SIRT4: variants seen among roughly 807,000 people sequenced by gnomAD.
SIRT4 encodes sirtuin 4.
Under a neutral mutation model 26.1 loss-of-function variants are expected in SIRT4, and 23 were observed. The observed-to-expected ratio is 0.88, with a 90% CI of 0.63 to 1.25. The LOEUF is 1.25. Among genes scored for constraint, SIRT4 ranks in the 50% most tolerant of loss-of-function variants. The pLI is 0.00. For synonymous variants in SIRT4, 155 were observed against 158.4 expected (o/e 0.98, Z 0.16); for missense variants, 361 against 405.4 (o/e 0.89, Z 0.94).
At chr12:120,293,189 G>C in the SIRT4 span, 2 of 152,070 alleles carry the variant, frequency 1.3e-5, no homozygotes, top group African/African-American at 4.8e-5. Context: ...AGCAATAATC[G>C]CGCCTCGGAT....
the SIRT4 span, among the ~76,000 whole-genome samples, chr12:120,296,170 A>G: frequency 6.6e-6 from 1 of 151,684 alleles, no homozygotes; most frequent in Non-Finnish European, 1.5e-5. Flanking sequence ...CGAAAAGTTC[A>G]AAGAATTCCT....
At chr12:120,311,201 C>G (rs1185276387) in intron 2 of SIRT4, among the ~76,000 whole-genome samples, 1 of 146,336 alleles carries the variant, frequency 6.8e-6, no homozygotes, top group Non-Finnish European at 1.5e-5. Context: ...ACTAAAAATA[C>G]AAAATTAGCC....
rs144559407 is a variant in SIRT4, at chr12:120,306,459, G to C, written c.497+2401G>C. Among the ~76,000 whole-genome samples, 1,195 of 147,506 alleles carry C rather than the reference G, an allele frequency of 8.1e-3. 14 individuals carry two copies. Among genetic ancestry groups the C allele is most frequent in the African/African-American group, 0.028 (1,135 of 39,882 alleles). ...CATTGTACTCCAGCCTGCAGCCTGG[G>C]CAACAAGAACAAAACTCCGTCAAAA... On this transcript the variant is annotated intron_variant, in intron 2 of 3. Coordinates refer to ENST00000202967, the MANE Select transcript of SIRT4 (RefSeq NM_012240.3).
intron 2 of SIRT4, among the ~76,000 whole-genome samples, chr12:120,310,269 G>A (rs893123777): frequency 6.6e-6 from 1 of 152,064 alleles, no homozygotes; most frequent in African/African-American, 2.4e-5. Flanking sequence ...GGGAGGCTGA[G>A]GCAGGAGAAT....
chr12:120,295,425 T>A, the SIRT4 span, among the ~76,000 whole-genome samples: 1 of 142,314 alleles, frequency 7.0e-6, no homozygotes, highest in African/African-American at 2.6e-5. Context: ...GATAATTTTT[T>A]TTTTTTTTTT....
In SIRT4 at chr12:120,303,704, A is replaced by G; in HGVS notation, c.143A>G (p.Gln48Arg). 1 of 1,614,130 alleles carries G rather than the reference A, an allele frequency of 6.2e-7. No individual in the cohort carries two copies. The highest frequency in any genetic ancestry group is 8.5e-7 in the Non-Finnish European group (1 of 1,180,026). ...GACCCTGAGAAGGTCAAAGAGTTAC[A>G]GCGCTTCATCACCCTTTCCAAGAGA... ...PLDPEKVKELQRFITLSKRLL... is the reference protein window; with the variant it reads ...PLDPEKVKELRRFITLSKRLL... Residue 48 changes from glutamine to arginine, a missense_variant, in exon 2 of 4, where the codon CAG (glutamine) becomes CGG (arginine). By Grantham distance (43) the Gln-to-Arg change is conservative. Transcript: ENST00000202967.
chr12:120,297,111 T>C, the SIRT4 span, among the ~76,000 whole-genome samples: 1 of 151,700 alleles, frequency 6.6e-6, no homozygotes, highest in Non-Finnish European at 1.5e-5. Flanking sequence ...TAATCCCAGC[T>C]ACTTGGGAGG....
Sources: allele counts gnomAD v4.1 joint callset (sites outside exome capture counted in the v4.1 genomes callset), GRCh38; gene constraint gnomAD v4.1.1; transcripts MANE v1.5; gene names NCBI Gene and HGNC (gene_info 2026-07-23, HGNC 2026-07-21).